Variants in PIGV observed in about 807,000 individuals in gnomAD.
The protein encoded by PIGV is phosphatidylinositol glycan anchor biosynthesis class V, also known as GPI alpha-1,6-mannosyltransferase 2.
Under a neutral mutation model 39.2 loss-of-function variants are expected in PIGV, and 27 were observed. The ratio of observed to expected loss-of-function variants is 0.69; its 90% CI spans 0.51 to 0.95. PIGV has a LOEUF of 0.95. Among genes scored for constraint, PIGV ranks in the 40% least tolerant of loss-of-function variants. PIGV has a pLI of 0.00. For synonymous variants in PIGV, 232 were observed against 241.7 expected (o/e 0.96, Z 0.37); for missense variants, 523 against 586.4 (o/e 0.89, Z 1.12).
rs1296165102 is a variant in PIGV, at chr1:26,797,797, T to C, written c.1435T>C (p.Trp479Arg). The change falls in exon 4 of 4, where the codon TGG becomes CGG. Residue 479 changes from tryptophan to arginine, a missense_variant. By Grantham distance (101) the Trp-to-Arg change is moderately radical. Coordinates refer to ENST00000674202, the MANE Select transcript of PIGV (RefSeq NM_017837.4). ...RYILGYFLTY[W>R]LLGLLLHCNF... Reference sequence around the variant, plus strand: ...CATTCTAGGCTACTTCCTGACTTACTGGCTCCTGGGACTACTCCTACATTG... The same window carrying C: ...CATTCTAGGCTACTTCCTGACTTACCGGCTCCTGGGACTACTCCTACATTG... The C allele has an allele frequency of 2.5e-6, 4 of 1,614,084 alleles. No individual in the cohort carries two copies. In the African/African-American group the frequency reaches 4.0e-5, roughly 16 times the overall value.
intron 3 of PIGV, among the ~76,000 whole-genome samples, chr1:26,797,031 A>G (rs1472676196): frequency 6.6e-6 from 1 of 152,228 alleles, no homozygotes; most frequent in Admixed American, 6.5e-5. Flanking sequence ...AATAGAAAGT[A>G]GCATTCCGTG....
At position 26,799,804 on chromosome 1, in the gene PIGV, A is replaced by G. The variant is rs148100030; in HGVS notation, c.*1960A>G. On this transcript the variant is annotated 3_prime_UTR_variant, in exon 4 of 4. Transcript: ENST00000674202. ...CACCAAGTGCCCTTCTTGGCAAACG[A>G]TGATCACCCCTGCCCTAGTGTCCCT... Among the ~76,000 whole-genome samples, 543 of 152,308 alleles carry G rather than the reference A, an allele frequency of 3.6e-3. 4 individuals are homozygous for G. The highest frequency in any genetic ancestry group is 0.012 in the African/African-American group (512 of 41,558).
intron 2 of PIGV, among the ~76,000 whole-genome samples, chr1:26,792,653 C>A (rs1255869220): frequency 2.0e-5 from 3 of 152,162 alleles, no homozygotes; most frequent in Non-Finnish European, 4.4e-5. Flanking sequence ...ACAGTAAATG[C>A]GATTTAATTA....
At position 26,797,685 on chromosome 1, in the gene PIGV, G is replaced by A. The variant is rs1356876799; in HGVS notation, c.1323G>A (p.Glu441=). 4 of 1,614,030 alleles carry A rather than the reference G, an allele frequency of 2.5e-6. No homozygotes were observed. Among genetic ancestry groups the A allele is most frequent in the Non-Finnish European group, 2.5e-6 (3 of 1,180,024 alleles). ...CTGTGCCTTGGAAGCCTCTTGCAGA[G>A]GACTCCCCACCAGGACAAAAGGTCC... is the stretch of plus-strand genomic sequence containing the variant. ...LKTVPWKPLA[E]DSPPGQKVPR... Residue 441 remains glutamate (E), a synonymous_variant, in exon 4 of 4, where the codon GAG becomes GAA. Coordinates refer to ENST00000674202, the MANE Select transcript of PIGV (RefSeq NM_017837.4).
At chr1:26,796,562 G>A (rs1287358044) in intron 3 of PIGV, among the ~76,000 whole-genome samples, 1 of 152,058 alleles carries the variant, frequency 6.6e-6, no homozygotes, top group African/African-American at 2.4e-5. Flanking sequence ...ATTTCAGCTG[G>A]GTCCTGAAGA....
intron 2 of PIGV, among the ~76,000 whole-genome samples, chr1:26,793,029 A>G (rs1258863472): frequency 6.6e-6 from 1 of 152,172 alleles, no homozygotes; most frequent in African/African-American, 2.4e-5. Context: ...CAGCCTACCT[A>G]TGTCTGCACC....
In PIGV at chr1:26,800,358, G is replaced by GT. The variant is rs934504388; in HGVS notation, c.*2515dup. Among the ~76,000 whole-genome samples the GT allele has an allele frequency of 6.6e-6, 1 of 152,190 alleles. No homozygotes were observed. Among genetic ancestry groups the GT allele is most frequent in the Non-Finnish European group, 1.5e-5 (1 of 68,024 alleles). ...CCTAACAATGCCACAGCTAGGTGGG[G>GT]TGTCTACAGTTTCAGAGAAAAGTCA... On this transcript the variant is annotated 3_prime_UTR_variant, in exon 4 of 4. Transcript: ENST00000674202.
rs1364980125 is a variant in PIGV, at chr1:26,794,315, C to T, written c.281C>T (p.Ala94Val). The change falls in exon 3 of 4, where the codon GCC becomes GTC. Residue 94 changes from alanine (A) to valine (V), a missense_variant. By Grantham distance (64) the Ala-to-Val change is moderately conservative. Transcript: ENST00000674202. ...NFAFFPGFPL[A>V]LLVGTELLRP... ...GCCTTCTTTCCTGGTTTCCCCTTGG[C>T]CCTGCTGGTGGGGACTGAACTGTTG... 5 of 1,614,152 alleles carry T rather than the reference C, an allele frequency of 3.1e-6. No homozygotes were observed. Among genetic ancestry groups the T allele is most frequent in the Non-Finnish European group, 4.2e-6 (5 of 1,179,960 alleles).
intron 2 of PIGV, among the ~76,000 whole-genome samples, chr1:26,791,129 C>T (rs985926516): frequency 6.6e-6 from 1 of 152,188 alleles, no homozygotes; most frequent in Non-Finnish European, 1.5e-5. Flanking sequence ...ATCCCCAAAG[C>T]CACATAGCAA....
chr1:26,788,153 C>T lies in PIGV; in HGVS notation c.-173C>T, dbSNP rs2081261304. ...AGCCCCGCCCCTCCGCCATAGCAGC[C>T]TCGGGCGCCGCCTCTTCCTTTCCAG... is the stretch of plus-strand genomic sequence containing the variant. On this transcript the variant is annotated 5_prime_UTR_variant, in exon 1 of 4. Coordinates refer to ENST00000674202, the MANE Select transcript of PIGV (RefSeq NM_017837.4). 2 of 152,412 alleles carry T rather than the reference C, an allele frequency of 1.3e-5. No homozygotes were observed. The highest frequency in any genetic ancestry group is 2.4e-5 in the African/African-American group (1 of 41,474). 9.4% of individuals were successfully genotyped at this position (152,412 alleles called of 1,614,324 possible).
At position 26,794,887 on chromosome 1, in the gene PIGV, T is replaced by C. The variant is rs1421893600; in HGVS notation, c.853T>C (p.Tyr285His). ...PLVQLAVDKG[Y>H]RIAEGNEPPW... ...GGTACAGTTAGCTGTAGACAAGGGC[T>C]ACCGGATTGCAGAGGGAAATGAACC... The change falls in exon 3 of 4, where the codon TAC becomes CAC. Residue 285 changes from tyrosine to histidine, a missense_variant. Physicochemically the swap from Tyr to His is moderately conservative, Grantham distance 83 (BLOSUM62 2). Transcript: ENST00000674202. The C allele has an allele frequency of 3.1e-6, 5 of 1,614,232 alleles. No individual in the cohort carries two copies. The South Asian group carries it at 4.4e-5, about 14-fold the overall frequency.
rs561714015 is a variant in PIGV at position 26,793,488 on chromosome 1, G to A, written c.79-625G>A. ...CTCCTTTTCTTCCCTTGGTTCTAAT[G>A]CTCTCTTGGGTTCCCTGCCACCTCA... On this transcript the variant is annotated intron_variant, in intron 2 of 3. Transcript: ENST00000674202. Among the ~76,000 whole-genome samples the A allele has an allele frequency of 2.6e-5, 4 of 152,262 alleles. No individual in the cohort carries two copies. The South Asian group carries it at 8.3e-4, about 32-fold the overall frequency.
At chr1:26,793,543 G>T (rs1306870959) in intron 2 of PIGV, among the ~76,000 whole-genome samples, 1 of 152,062 alleles carries the variant, frequency 6.6e-6, no homozygotes, top group Non-Finnish European at 1.5e-5. Context: ...TTTATTGCTG[G>T]ATTTTCATCC....
intron 3 of PIGV, among the ~76,000 whole-genome samples, chr1:26,796,415 G>A (rs188963651): frequency 2.2e-3 from 334 of 152,144 alleles, no homozygotes; most frequent in Non-Finnish European, 3.9e-3. Flanking sequence ...TGATCCACCC[G>A]CCTTGGCCTC....
rs1204745319 is a variant in PIGV at position 26,797,807 on chromosome 1, G to A, written c.1445G>A (p.Gly482Glu). The A allele has an allele frequency of 6.2e-7, 1 of 1,614,082 alleles. No individual in the cohort carries two copies. Among genetic ancestry groups the A allele is most frequent in the Non-Finnish European group, 8.5e-7 (1 of 1,180,020 alleles). The change falls in exon 4 of 4, where the codon GGA becomes GAA. Residue 482 changes from glycine to glutamate, a missense_variant. Coordinates refer to ENST00000674202, the MANE Select transcript of PIGV (RefSeq NM_017837.4). ...LGYFLTYWLLGLLLHCNFLPW... is the reference protein window; with the variant it reads ...LGYFLTYWLLELLLHCNFLPW... ...TACTTCCTGACTTACTGGCTCCTGG[G>A]ACTACTCCTACATTGCAACTTCCTG... is the stretch of plus-strand genomic sequence containing the variant.
chr1:26,794,624 C>T lies in PIGV; in HGVS notation c.590C>T (p.Ala197Val). The change falls in exon 3 of 4, where the codon GCC (alanine) becomes GTC (valine). Residue 197 changes from alanine (A) to valine (V), a missense_variant. By Grantham distance (64) the Ala-to-Val change is moderately conservative. Coordinates refer to ENST00000674202, the MANE Select transcript of PIGV (RefSeq NM_017837.4). ...GRVWTSVLLF[A>V]FATGVRSNGL... ...GTCTGGACTAGTGTACTCCTCTTTGCCTTTGCCACTGGGGTACGCTCCAAC... is the reference window on the plus strand; with the variant it reads ...GTCTGGACTAGTGTACTCCTCTTTGTCTTTGCCACTGGGGTACGCTCCAAC... 6.2e-7 allele frequency: 1 copy of T among 1,614,228 alleles called. No individual in the cohort carries two copies. Among genetic ancestry groups the T allele is most frequent in the Non-Finnish European group, 8.5e-7 (1 of 1,180,040 alleles).
intron 1 of PIGV, among the ~76,000 whole-genome samples, chr1:26,789,994 T>G (rs971389914): frequency 2.6e-5 from 4 of 152,244 alleles, no homozygotes; most frequent in Non-Finnish European, 5.9e-5. Context: ...TTGCGATTGT[T>G]TATACGTTGC....
At chr1:26,796,415 G>T (rs188963651) in intron 3 of PIGV, among the ~76,000 whole-genome samples, 1 of 152,026 alleles carries the variant, frequency 6.6e-6, no homozygotes, top group Non-Finnish European at 1.5e-5. Flanking sequence ...TGATCCACCC[G>T]CCTTGGCCTC....
rs781524183 is a variant in PIGV, at chr1:26,794,714, T to C, written c.680T>C (p.Met227Thr). 10 of 1,614,240 alleles carry C rather than the reference T, an allele frequency of 6.2e-6. 1 individual carries two copies. The East Asian group carries it at 2.2e-4, about 36-fold the overall frequency. The stretch of plus-strand genomic sequence containing the variant: ...CAAGGCTTTTTCTCTTCTCTAACGA[T>C]GCTGAATCCTCTGAGACAGCTCTTT... ...QCQGFFSSLT[M>T]LNPLRQLFKL... The change falls in exon 3 of 4, where the codon ATG (methionine) becomes ACG (threonine). Residue 227 changes from methionine to threonine, a missense_variant. Met to Thr is a moderately conservative substitution (Grantham distance 81, BLOSUM62 -1). Transcript: ENST00000674202.
Sources: gnomAD v4.1 joint callset for allele counts (sites outside exome capture counted in the v4.1 genomes callset) on GRCh38, gnomAD v4.1.1 for gene constraint, MANE v1.5 for transcripts, NCBI Gene and HGNC (gene_info 2026-07-23, HGNC 2026-07-21) for gene names.